The following ASPH variants were observed in gnomAD, a reference collection of about 807,000 sequenced individuals.
ASPH encodes aspartyl/asparaginyl beta-hydroxylase.
A neutral mutation model predicts 118.4 loss-of-function variants in ASPH; 100 were observed. The ratio of observed to expected loss-of-function variants is 0.84; its 90% CI spans 0.72 to 1.00. The LOEUF (loss-of-function observed/expected upper bound fraction) is 1.00, where lower values mean the gene tolerates loss of function less well. Among genes scored for constraint, ASPH ranks in the 50% least tolerant of loss-of-function variants. The pLI is 0.00. For missense variants in ASPH, 920 were observed against 919.5 expected (o/e 1.00, Z -0.01); for synonymous variants, 315 against 325.6 (o/e 0.97, Z 0.35).
At chr8:61,657,461 A>C (rs1814321571) in intron 3 of ASPH, 1 of 152,194 alleles carries the variant, frequency 6.6e-6, no homozygotes, top group African/African-American at 2.4e-5. Flanking sequence ...ACTGTACAGC[A>C]CGTACTGTAC....
At chr8:61,556,116 A>C (rs1405856616) in intron 18 of ASPH, 94 bp from the exon 19 acceptor site, 2 of 1,016,332 alleles carry the variant, frequency 2.0e-6, no homozygotes, top group Non-Finnish European at 2.9e-6. Flanking sequence ...AGTTTTAATT[A>C]GCTTTGTTGT....
chr8:61,698,257 T>C (rs1213016304), intron 1 of ASPH, among the ~76,000 whole-genome samples: 2 of 152,246 alleles, frequency 1.3e-5, no homozygotes, highest in African/African-American at 4.8e-5. Flanking sequence ...TACAGCTTAG[T>C]GTTTGCCATA....
At chr8:61,652,560 G>A (rs1811554197) in intron 4 of ASPH, among the ~76,000 whole-genome samples, 1 of 152,196 alleles carries the variant, frequency 6.6e-6, no homozygotes, top group South Asian at 2.1e-4. Context: ...AGGTAAAAAA[G>A]TAATAGTGGA....
intron 14 of ASPH, among the ~76,000 whole-genome samples, chr8:61,615,882 T>C (rs1296041772): frequency 1.3e-5 from 2 of 152,228 alleles, no homozygotes; most frequent in Non-Finnish European, 2.9e-5. Context: ...TCTGGATATG[T>C]AATGTTTACA....
At chr8:61,644,316 C>T (rs1806763727) in intron 7 of ASPH, among the ~76,000 whole-genome samples, 1 of 152,224 alleles carries the variant, frequency 6.6e-6, no homozygotes, top group Non-Finnish European at 1.5e-5. Flanking sequence ...TGATTTAGAC[C>T]TTTCGTTGAC....
At chr8:61,639,204 G>A (rs1803891494) in intron 10 of ASPH, among the ~76,000 whole-genome samples, 1 of 152,038 alleles carries the variant, frequency 6.6e-6, no homozygotes, top group Non-Finnish European at 1.5e-5. Context: ...AAGCTTCTAA[G>A]AACTTAAAAA....
chr8:61,530,221 T>C (rs938117515), intron 21 of ASPH, among the ~76,000 whole-genome samples: 2 of 152,236 alleles, frequency 1.3e-5, no homozygotes, highest in Non-Finnish European at 2.9e-5. Context: ...ATCTATTTCA[T>C]AAAACTGAAA....
At chr8:61,621,322 CA>C (rs71559339) in intron 13 of ASPH, among the ~76,000 whole-genome samples, 106 of 120,432 alleles carry the variant, frequency 8.8e-4, no homozygotes, top group South Asian at 3.7e-3. Context: ...GCAACTTGAG[CA>C]AAAAAAAAAA....
At chr8:61,613,850 T>C (rs150996957) in intron 14 of ASPH, among the ~76,000 whole-genome samples, 207 of 152,374 alleles carry the variant, frequency 1.4e-3, no homozygotes, top group African/African-American at 4.8e-3. Context: ...ATATGTTATA[T>C]ACAGTTATAA....
chr8:61,607,818 C>T (rs1846062560), intron 14 of ASPH, among the ~76,000 whole-genome samples: 1 of 152,190 alleles, frequency 6.6e-6, no homozygotes, highest in Non-Finnish European at 1.5e-5. Context: ...TCATCCTATA[C>T]AGCAATATTT....
At position 61,679,956 on chromosome 8, in the gene ASPH, A is replaced by C. The variant is rs1330038452; in HGVS notation, c.322+1012T>G. ...ATGGGCAATAATAAAAAAAAAAAAA[A>C]AACAAAAAACACCAACACAGGTCAA... On this transcript the variant is annotated intron_variant, in intron 3 of 24. Coordinates refer to ENST00000379454, the MANE Select transcript of ASPH (RefSeq NM_004318.4). Among the ~76,000 whole-genome samples, 222 of 135,500 alleles carry C rather than the reference A, an allele frequency of 1.6e-3. 5 individuals carry two copies. The highest frequency in any genetic ancestry group is 5.2e-3 in the African/African-American group (189 of 36,496). The allele number at this position is 135,500 out of a possible 152,430, so 88.9% of individuals were successfully genotyped here.
In ASPH at chr8:61,515,953, C is replaced by T. The variant is rs1230585202; in HGVS notation, c.2126+1575G>A. ...TTCTTCCCACTGTCCCCATAGGATT[C>T]ACCCATGGGTTCCACAGTAACTTCC... On this transcript the variant is annotated intron_variant, in intron 24 of 24. Transcript: ENST00000379454. Among the ~76,000 whole-genome samples, 4 of 152,346 alleles carry T rather than the reference C, an allele frequency of 2.6e-5. No individual in the cohort carries two copies. The East Asian group carries it at 7.7e-4, about 29-fold the overall frequency.
At chr8:61,705,222 C>G (rs1488185685) in intron 1 of ASPH, among the ~76,000 whole-genome samples, 2 of 152,062 alleles carry the variant, frequency 1.3e-5, no homozygotes, top group Non-Finnish European at 2.9e-5. Context: ...AAGAAGGGAA[C>G]AACAGACACT....
At chr8:61,568,781 A>G (rs1228514489) in intron 16 of ASPH, among the ~76,000 whole-genome samples, 2 of 152,218 alleles carry the variant, frequency 1.3e-5, no homozygotes. Flanking sequence ...GAGGAGCAGC[A>G]AAAAGGAGGG....
intron 13 of ASPH, chr8:61,626,231 G>C (rs1368879825): frequency 6.5e-7 from 1 of 1,531,800 alleles, no homozygotes; most frequent in Non-Finnish European, 8.7e-7. Flanking sequence ...CGTATGGTTA[G>C]GCTGGTCCTC....
intron 3 of ASPH, chr8:61,657,686 G>T (rs1160532258): frequency 6.6e-6 from 1 of 152,160 alleles, no homozygotes; most frequent in Non-Finnish European, 1.5e-5. Context: ...GGCACCAAGA[G>T]AGGTGTGCAT....
chr8:61,595,507 G>C (rs530087604), intron 14 of ASPH, among the ~76,000 whole-genome samples: 3 of 152,170 alleles, frequency 2.0e-5, no homozygotes, highest in South Asian at 4.1e-4. Flanking sequence ...ATAAAGAGGA[G>C]GACATTATCT....
rs1589408703 is a variant in ASPH, at chr8:61,714,498, A to G, written c.-127T>C. 7.6e-6 allele frequency: 10 copies of G among 1,309,426 alleles called. No homozygotes were observed. The East Asian group carries it at 9.4e-5, about 12-fold the overall frequency. 81.1% of individuals were successfully genotyped at this position (1,309,426 alleles called of 1,614,324 possible). On this transcript the variant is annotated 5_prime_UTR_variant, in exon 1 of 25. Transcript: ENST00000379454. ...GGGTTCGGGCCGCTGCTCCTGCAGCAGACCCTGTGCCTCAGCACCGCCTGC... is the reference window on the plus strand; with the variant it reads ...GGGTTCGGGCCGCTGCTCCTGCAGCGGACCCTGTGCCTCAGCACCGCCTGC...
At chr8:61,609,869 AC>A (rs1564001972) in intron 14 of ASPH, among the ~76,000 whole-genome samples, 1 of 152,168 alleles carries the variant, frequency 6.6e-6, no homozygotes. Flanking sequence ...ATATTCAACT[AC>A]TCACAGCACT....
Sources: gnomAD v4.1 joint callset for allele counts (sites outside exome capture counted in the v4.1 genomes callset) on GRCh38, gnomAD v4.1.1 for gene constraint, MANE v1.5 for transcripts, NCBI Gene and HGNC (gene_info 2026-07-23, HGNC 2026-07-21) for gene names.